PCDH17: variants seen among roughly 807,000 people sequenced by gnomAD.
The protein encoded by PCDH17 is protocadherin 17, also known as protocadherin-17.
A neutral mutation model predicts 67.7 loss-of-function variants in PCDH17; 21 were observed. The ratio of observed to expected loss-of-function variants is 0.31; its 90% confidence interval spans 0.22 to 0.45. The LOEUF is 0.45. Ranked by LOEUF, PCDH17 falls within the 20% of genes least tolerant of loss-of-function variation. The probability of loss-of-function intolerance (pLI) is 1.00; values close to 1 mark genes in which losing one functional copy is unlikely to be tolerated. For synonymous variants in PCDH17, 701 were observed against 656.7 expected (o/e 1.07, Z -1.03); for missense variants, 1,471 against 1,564.8 (o/e 0.94, Z 1.01).
Position 57,633,969 on chromosome 13 carries a change from G to A in PCDH17, c.1423G>A (p.Gly475Arg), listed in dbSNP as rs1486084656. ...CGACAACCCGCCTCGGTTCACCAAA[G>A]GGCTCTACGTGCTTCAGGTGCACGA... ...ENDNPPRFTKGLYVLQVHENN... is the reference protein window; with the variant it reads ...ENDNPPRFTKRLYVLQVHENN... The change falls in exon 1 of 4, where the codon GGG becomes AGG. Residue 475 changes from glycine (G) to arginine (R), a missense_variant. Gly to Arg is a moderately radical substitution (Grantham distance 125, BLOSUM62 -2). This residue lies in a region of PCDH17 where 1,163 missense variants were observed against 1,230.0 expected (regional missense o/e 0.95). Transcript: ENST00000377918. The surrounding 1 kb of genome is among the most constrained non-coding windows in gnomAD (Gnocchi z 6.2). 1 of 1,613,516 alleles carries A rather than the reference G, an allele frequency of 6.2e-7. No homozygotes were observed. Among genetic ancestry groups the A allele is most frequent in the Non-Finnish European group, 8.5e-7 (1 of 1,180,038 alleles).
At chr13:57,670,490 G>A (rs558846523) in intron 3 of PCDH17, among the ~76,000 whole-genome samples, 1 of 151,140 alleles carries the variant, frequency 6.6e-6, no homozygotes. Flanking sequence ...CTAAAAATGT[G>A]TAGCAGTGCC....
At chr13:57,718,583 A>G (rs1384644592) in intron 3 of PCDH17, among the ~76,000 whole-genome samples, 1 of 152,024 alleles carries the variant, frequency 6.6e-6, no homozygotes, top group Non-Finnish European at 1.5e-5. Context: ...ATAGGATCAG[A>G]AAAGAAAGTA....
intron 1 of PCDH17, among the ~76,000 whole-genome samples, chr13:57,659,918 GA>G (rs1297826241): frequency 6.6e-6 from 1 of 151,908 alleles, no homozygotes; most frequent in African/African-American, 2.4e-5. Flanking sequence ...ATACACACAA[GA>G]AAAAAATTCT....
intron 1 of PCDH17, among the ~76,000 whole-genome samples, chr13:57,649,917 C>A (rs1320787381): frequency 6.6e-6 from 1 of 152,066 alleles, no homozygotes; most frequent in African/African-American, 2.4e-5. Flanking sequence ...TACACACCTT[C>A]AGAGAGAGGA....
chr13:57,633,845 G>A lies in PCDH17; in HGVS notation c.1299G>A (p.Glu433=). 6.2e-7 allele frequency: 1 copy of A among 1,612,936 alleles called. No homozygotes were observed. The highest frequency in any genetic ancestry group is 8.5e-7 in the Non-Finnish European group (1 of 1,180,042). The part of the protein sequence containing the change: ...TVVTDRPLDR[E]TQDEYNVTIV... Reference sequence around the variant, plus strand: ...TGACTGACCGCCCGCTGGACCGCGAGACACAAGACGAGTACAACGTGACCA... The same window carrying A: ...TGACTGACCGCCCGCTGGACCGCGAAACACAAGACGAGTACAACGTGACCA... The change falls in exon 1 of 4, where the codon GAG becomes GAA. Residue 433 remains glutamate, a synonymous_variant. Coordinates refer to ENST00000377918, the MANE Select transcript of PCDH17 (RefSeq NM_001040429.3). This position sits in a 1 kb window ranked among gnomAD's most constrained non-coding sequence, Gnocchi z 6.2.
intron 1 of PCDH17, among the ~76,000 whole-genome samples, chr13:57,637,783 C>A (rs1316571117): frequency 6.6e-6 from 1 of 151,960 alleles, no homozygotes; most frequent in African/African-American, 2.4e-5. Context: ...AATTTAGGAA[C>A]TTTATGATTT....
chr13:57,666,955 G>A (rs1019302571), intron 3 of PCDH17, 122 bp downstream of exon 3: 1 of 740,320 alleles, frequency 1.4e-6, no homozygotes, highest in Non-Finnish European at 1.9e-6. Context: ...CAAAGAAACA[G>A]CAAATCTTGA....
At chr13:57,696,529 A>G (rs1308606767) in intron 3 of PCDH17, among the ~76,000 whole-genome samples, 3 of 151,402 alleles carry the variant, frequency 2.0e-5, no homozygotes, top group Non-Finnish European at 4.4e-5. Flanking sequence ...CTGTTCGCAA[A>G]AAAAATGTGG....
At chr13:57,670,542 T>C (rs1955307565) in intron 3 of PCDH17, among the ~76,000 whole-genome samples, 1 of 149,928 alleles carries the variant, frequency 6.7e-6, no homozygotes, top group Non-Finnish European at 1.5e-5. Flanking sequence ...TATTATATTT[T>C]ATATTTTTAT....
chr13:57,659,072 T>C (rs1480309323), intron 1 of PCDH17, among the ~76,000 whole-genome samples: 1 of 151,860 alleles, frequency 6.6e-6, no homozygotes, highest in South Asian at 2.1e-4. Flanking sequence ...GGTAGCATAA[T>C]ATTGGCTAAT....
chr13:57,633,625 C>T lies in PCDH17; in HGVS notation c.1079C>T (p.Ala360Val), dbSNP rs1470784291. ...GGTTTCGTCTCCGTGCGCCAGGGGG[C>T]GCTGAGCGAGGCCGCCCCTCCCGGC... Reference protein sequence around the residue: ...SIGFVSVRQGALSEAAPPGTV... With the variant: ...SIGFVSVRQGVLSEAAPPGTV... The change falls in exon 1 of 4, where the codon GCG (alanine) becomes GTG (valine). Residue 360 changes from alanine to valine, a missense_variant. Around this residue, in one of 3 missense-constraint regions of PCDH17, gnomAD observed 1,163 missense variants for 1,230.0 expected, o/e 0.95. Transcript: ENST00000377918. The surrounding 1 kb of genome is among the most constrained non-coding windows in gnomAD (Gnocchi z 6.2). 6.8e-6 allele frequency: 11 copies of T among 1,610,660 alleles called. No individual in the cohort carries two copies. The highest frequency in any genetic ancestry group is 9.3e-6 in the Non-Finnish European group (11 of 1,180,024).
At position 57,727,886 on chromosome 13, in the gene PCDH17, AG is replaced by A. The variant is rs1672634321; in HGVS notation, c.*2593del. ...CAGTATGTAAATGAAACCAGCAAAGAGAGTAGGGTTTATTTTATAAACATTC... is the reference window on the plus strand; with the variant it reads ...CAGTATGTAAATGAAACCAGCAAAGAAGTAGGGTTTATTTTATAAACATTC... On this transcript the variant is annotated 3_prime_UTR_variant, in exon 4 of 4. Transcript: ENST00000377918. 1 of 152,564 alleles carries A rather than the reference AG, an allele frequency of 6.6e-6. No individual in the cohort carries two copies. The highest frequency in any genetic ancestry group is 1.5e-5 in the Non-Finnish European group (1 of 67,998). 9.5% of individuals were successfully genotyped at this position (152,564 alleles called of 1,614,324 possible). A position where few individuals can be genotyped will look rare whatever the true frequency, so the allele number is the denominator to read the frequency against.
chr13:57,674,644 GA>G (rs1175911575), intron 3 of PCDH17, among the ~76,000 whole-genome samples: 1 of 151,814 alleles, frequency 6.6e-6, no homozygotes, highest in African/African-American at 2.4e-5. Flanking sequence ...TTTTTATTAA[GA>G]AAAATCATGC....
At chr13:57,663,000 A>G (rs974788143) in intron 1 of PCDH17, among the ~76,000 whole-genome samples, 1 of 152,258 alleles carries the variant, frequency 6.6e-6, no homozygotes, top group East Asian at 1.9e-4. Flanking sequence ...ATGTTAGTTC[A>G]CATCTGTTTT....
At chr13:57,663,218 C>T (rs994656773) in intron 1 of PCDH17, among the ~76,000 whole-genome samples, 6 of 151,914 alleles carry the variant, frequency 3.9e-5, no homozygotes, top group African/African-American at 1.2e-4. Flanking sequence ...ATATAAAAGT[C>T]ACTGTGTTCA....
intron 1 of PCDH17, among the ~76,000 whole-genome samples, chr13:57,639,908 G>A (rs1954869713): frequency 1.3e-5 from 2 of 151,704 alleles, no homozygotes; most frequent in African/African-American, 4.8e-5. Flanking sequence ...TGACTATATT[G>A]TTCAACATAC....
rs1483631240 is a variant in PCDH17 at position 57,632,612 on chromosome 13, C to T, written c.66C>T (p.Asn22=). 6.2e-7 allele frequency: 1 copy of T among 1,613,850 alleles called. No individual in the cohort carries two copies. The highest frequency in any genetic ancestry group is 8.5e-7 in the Non-Finnish European group (1 of 1,179,972). The change falls in exon 1 of 4, where the codon AAC becomes AAT. Residue 22 remains asparagine, a synonymous_variant. Coordinates refer to ENST00000377918, the MANE Select transcript of PCDH17 (RefSeq NM_001040429.3). ...WAPALTLKNL[N]YSVPEEQGAG... The stretch of plus-strand genomic sequence containing the variant: ...CTGCCCTCACTCTCAAGAACCTCAA[C>T]TACTCCGTGCCGGAGGAGCAAGGGG...
rs147400178 is a variant in PCDH17 at position 57,717,742 on chromosome 13, G to A, written c.2798-6870G>A. Among the ~76,000 whole-genome samples, 917 of 152,082 alleles carry A rather than the reference G, an allele frequency of 6.0e-3. 11 individuals are homozygous for A. Among genetic ancestry groups the A allele is most frequent in the African/African-American group, 0.021 (876 of 41,526 alleles). ...ATTATAACAACTTCCTTTTCAAAAT[G>A]TGCTCTCTGCTATCAAAAGCAGATA... On this transcript the variant is annotated intron_variant, in intron 3 of 3. Transcript: ENST00000377918.
chr13:57,699,199 G>T (rs767891168), intron 3 of PCDH17, among the ~76,000 whole-genome samples: 19 of 151,876 alleles, frequency 1.3e-4, no homozygotes, highest in Non-Finnish European at 2.1e-4. Flanking sequence ...AGAGATATTA[G>T]AAAGTTCATA....
Sources: gnomAD v4.1 joint callset for allele counts (sites outside exome capture counted in the v4.1 genomes callset) on GRCh38, gnomAD v4.1.1 for gene constraint, gnomAD v4.1.1 regional missense constraint, Gnocchi (gnomAD v3.1) non-coding constraint, MANE v1.5 for transcripts, NCBI Gene and HGNC (gene_info 2026-07-23, HGNC 2026-07-21) for gene names.